STARD13: variants seen among roughly 807,000 people sequenced by gnomAD.
STARD13 encodes the protein StAR related lipid transfer domain containing 13, also known as stAR-related lipid transfer protein 13.
STARD13 carries 62 observed loss-of-function variants against 106.4 expected under a neutral mutation model. That is an observed-to-expected ratio of 0.58 (90% CI 0.48 to 0.72). The LOEUF is 0.72. Ranked by LOEUF, STARD13 falls within the 30% of genes least tolerant of loss-of-function variation. The pLI is 0.00. For missense variants in STARD13, 1,387 were observed against 1,424.0 expected (o/e 0.97, Z 0.42); for synonymous variants, 565 against 553.0 (o/e 1.02, Z -0.31).
At chr13:33,281,204 A>G (rs2138398936) in intron 1 of STARD13, 1 of 152,290 alleles carries the variant, frequency 6.6e-6, no homozygotes, top group East Asian at 1.9e-4. Context: ...TCTGGAACTC[A>G]ACGCTGTAAA....
At chr13:33,402,043 TTTGGAAA>T in the STARD13 span, among the ~76,000 whole-genome samples, 1 of 152,204 alleles carries the variant, frequency 6.6e-6, no homozygotes, top group Non-Finnish European at 1.5e-5. Context: ...GACAGGCCCT[TTTGGAAA>T]TGCAATCAAG....
the STARD13 span, among the ~76,000 whole-genome samples, chr13:33,583,032 C>T: frequency 6.6e-6 from 1 of 152,154 alleles, no homozygotes; most frequent in Non-Finnish European, 1.5e-5. Flanking sequence ...GTCCCAATCC[C>T]AAAGGTTCTC....
intron 1 of STARD13, among the ~76,000 whole-genome samples, chr13:33,264,195 G>A (rs943125217): frequency 6.6e-6 from 1 of 152,226 alleles, no homozygotes; most frequent in African/African-American, 2.4e-5. Context: ...TAGCCCGCAG[G>A]TCTTGCCAGC....
At chr13:33,350,429 A>T in exon 1 of STARD13, 5 of 1,526,638 alleles carry the variant, frequency 3.3e-6, no homozygotes, top group Non-Finnish European at 4.4e-6. Context: ...ATCCGTCCTC[A>T]TAACGACCGG....
At chr13:33,546,187 A>G in the STARD13 span, among the ~76,000 whole-genome samples, 1 of 152,122 alleles carries the variant, frequency 6.6e-6, no homozygotes, top group Non-Finnish European at 1.5e-5. Flanking sequence ...AATAATTCCT[A>G]TTATTATGTG....
rs568847467 is a variant in STARD13 at position 33,231,684 on chromosome 13, G to T, written c.169+53786C>A. Among the ~76,000 whole-genome samples, 16 of 152,264 alleles carry T rather than the reference G, an allele frequency of 1.1e-4. No individual in the cohort carries two copies. In the South Asian group the frequency reaches 3.3e-3, roughly 32 times the overall value. ...AACTAACTGTTAAAGAATGGCCTTGGTCACATGGCCAGCAGGGAGAAAGCT... is the reference window on the plus strand; with the variant it reads ...AACTAACTGTTAAAGAATGGCCTTGTTCACATGGCCAGCAGGGAGAAAGCT... On this transcript the variant is annotated intron_variant, in intron 1 of 13. Coordinates refer to ENST00000336934, the MANE Select transcript of STARD13 (RefSeq NM_178006.4).
chr13:33,132,495 G>A (rs548522586), intron 4 of STARD13, among the ~76,000 whole-genome samples: 8 of 152,282 alleles, frequency 5.3e-5, no homozygotes, highest in Non-Finnish European at 1.5e-5. Context: ...ACATGAAACT[G>A]TGAGTCCATT....
the STARD13 span, among the ~76,000 whole-genome samples, chr13:33,357,947 G>A: frequency 6.6e-6 from 1 of 152,216 alleles, no homozygotes; most frequent in Non-Finnish European, 1.5e-5. Flanking sequence ...CAAGGCTGGA[G>A]CCCACTCCCT....
upstream of STARD13, among the ~76,000 whole-genome samples, chr13:33,285,974 AAGCAGCCCTCACTAAAGGAGTCGAAAG>A (rs2138417501): frequency 6.6e-6 from 1 of 152,082 alleles, no homozygotes; most frequent in South Asian, 2.1e-4. Context: ...AAGCACCCAA[AAGCAGCCCTCACTAAAGGAGTCGAAAG>A]AAAAAGAGAG....
chr13:33,199,994 T>C (rs1175390492), intron 1 of STARD13, among the ~76,000 whole-genome samples: 2 of 152,244 alleles, frequency 1.3e-5, no homozygotes, highest in African/African-American at 4.8e-5. Context: ...TAATTCCAAG[T>C]AGCTTTTATG....
In STARD13 at chr13:33,181,702, A is replaced by G. The variant is rs1003677742; in HGVS notation, c.170-14080T>C. 2.0e-5 allele frequency among the ~76,000 whole-genome samples: 3 copies of G among 152,192 alleles called. No homozygotes were observed. In the East Asian group the frequency reaches 5.8e-4, roughly 29 times the overall value. ...AGTTCTGATTCTGCCTCTGAGGGAC[A>G]TGGCTATTCGTGGGCAGCAATGTCT... On this transcript the variant is annotated intron_variant, in intron 1 of 13. Coordinates refer to ENST00000336934, the MANE Select transcript of STARD13 (RefSeq NM_178006.4).
At chr13:33,245,082 C>CT (rs759348281) in intron 1 of STARD13, among the ~76,000 whole-genome samples, 1 of 152,198 alleles carries the variant, frequency 6.6e-6, no homozygotes, top group Non-Finnish European at 1.5e-5. Context: ...CATAGGCTCC[C>CT]TTGCTCTTAG....
intron 1 of STARD13, among the ~76,000 whole-genome samples, chr13:33,170,203 T>C (rs1373496845): frequency 6.6e-6 from 1 of 152,188 alleles, no homozygotes; most frequent in Non-Finnish European, 1.5e-5. Context: ...AGGGGATGAA[T>C]ACCCTATTCT....
chr13:33,106,317 A>C (rs1461159008), intron 13 of STARD13, among the ~76,000 whole-genome samples: 1 of 152,162 alleles, frequency 6.6e-6, no homozygotes, highest in Non-Finnish European at 1.5e-5. Context: ...GCTACTGGGG[A>C]GGCTGAGGAG....
the STARD13 span, among the ~76,000 whole-genome samples, chr13:33,534,638 A>G: frequency 6.6e-6 from 1 of 152,232 alleles, no homozygotes; most frequent in African/African-American, 2.4e-5. Context: ...TATAGAATAC[A>G]CTGTTGAAAC....
At chr13:33,572,378 T>A in the STARD13 span, among the ~76,000 whole-genome samples, 1 of 152,178 alleles carries the variant, frequency 6.6e-6, no homozygotes, top group East Asian at 1.9e-4. Flanking sequence ...AACACCAAGA[T>A]GTAACCAATC....
At chr13:33,530,743 C>T in the STARD13 span, among the ~76,000 whole-genome samples, 3 of 152,016 alleles carry the variant, frequency 2.0e-5, no homozygotes, top group Admixed American at 6.6e-5. Flanking sequence ...GCTATTCATG[C>T]GAAATACCTA....
At chr13:33,271,970 C>T (rs1047130875) in intron 1 of STARD13, among the ~76,000 whole-genome samples, 4 of 152,164 alleles carry the variant, frequency 2.6e-5, no homozygotes, top group Admixed American at 1.3e-4. Flanking sequence ...AACTCCCACT[C>T]GCTGTGTGAC....
chr13:33,286,936 A>G (rs78514684), upstream of STARD13, among the ~76,000 whole-genome samples: 2,227 of 152,210 alleles, frequency 0.015, 14 homozygotes, highest in Middle Eastern at 0.024. Context: ...ACTGAGTGAC[A>G]TATATGTATA....
Sources: allele counts gnomAD v4.1 joint callset (sites outside exome capture counted in the v4.1 genomes callset), GRCh38; gene constraint gnomAD v4.1.1; transcripts MANE v1.5; gene names NCBI Gene and HGNC (gene_info 2026-07-23, HGNC 2026-07-21).